ARHGAP24: variants seen among roughly 807,000 people sequenced by gnomAD.
ARHGAP24 encodes rho GTPase-activating protein 24.
A neutral mutation model predicts 76.4 loss-of-function variants in ARHGAP24; 50 were observed. The observed-to-expected ratio is 0.65, with a 90% confidence interval of 0.52 to 0.83. The LOEUF (loss-of-function observed/expected upper bound fraction) is 0.83. Ranked by LOEUF, ARHGAP24 falls within the 40% of genes least tolerant of loss-of-function variation. The pLI is 0.00. For missense variants in ARHGAP24, 930 were observed against 914.2 expected (o/e 1.02, Z -0.22); for synonymous variants, 345 against 323.3 (o/e 1.07, Z -0.72).
At chr4:85,937,743 T>C (rs1736725765) in intron 4 of ARHGAP24, among the ~76,000 whole-genome samples, 1 of 151,576 alleles carries the variant, frequency 6.6e-6, no homozygotes, top group Non-Finnish European at 1.5e-5. Context: ...TGGCTGTCAA[T>C]GATTTACCAA....
intron 3 of ARHGAP24, among the ~76,000 whole-genome samples, chr4:85,744,901 T>C (rs1293039786): frequency 6.6e-6 from 1 of 152,204 alleles, no homozygotes; most frequent in Non-Finnish European, 1.5e-5. Flanking sequence ...TTAGAGGGAA[T>C]TAGCCAGGCG....
At chr4:85,731,070 T>C (rs374470165) in intron 3 of ARHGAP24, among the ~76,000 whole-genome samples, 1 of 151,872 alleles carries the variant, frequency 6.6e-6, no homozygotes, top group East Asian at 1.9e-4. Flanking sequence ...TATATACATA[T>C]ATGTATATGT....
intron 3 of ARHGAP24, among the ~76,000 whole-genome samples, chr4:85,731,254 C>T (rs1725397796): frequency 6.6e-6 from 1 of 152,056 alleles, no homozygotes. Context: ...ACAAGGATGA[C>T]AAGAAGAAAT....
rs199740884 is a variant in ARHGAP24 at position 85,487,152 on chromosome 4, G to GTA, written c.-21+11604_-21+11605dup. ...CCTTGGTTTGCTTGGTTGCTTGTGT[G>GTA]TATATATATATAAATATATATTTAT... On this transcript the variant is annotated intron_variant, in intron 1 of 9. Coordinates refer to ENST00000395184, the MANE Select transcript of ARHGAP24 (RefSeq NM_001025616.3). Among the ~76,000 whole-genome samples, 581 of 135,610 alleles carry GTA rather than the reference G, an allele frequency of 4.3e-3. 4 individuals carry two copies. Among genetic ancestry groups the GTA allele is most frequent in the African/African-American group, 0.015 (550 of 35,662 alleles). The allele number at this position is 135,610 out of a possible 152,430, so 89.0% of individuals were successfully genotyped here.
chr4:85,782,888 T>C (rs1727630792), intron 3 of ARHGAP24, among the ~76,000 whole-genome samples: 1 of 138,512 alleles, frequency 7.2e-6, no homozygotes, highest in Non-Finnish European at 1.6e-5. Flanking sequence ...GTTGAATGAC[T>C]ATTACTTTCA....
At chr4:85,701,241 C>T (rs1256068881) in intron 2 of ARHGAP24, among the ~76,000 whole-genome samples, 1 of 152,076 alleles carries the variant, frequency 6.6e-6, no homozygotes, top group Non-Finnish European at 1.5e-5. Context: ...ATCACATTAT[C>T]GATTTATTAT....
chr4:85,572,964 C>G (rs1727199705), intron 2 of ARHGAP24, among the ~76,000 whole-genome samples: 2 of 148,514 alleles, frequency 1.3e-5, no homozygotes, highest in African/African-American at 5.0e-5. Flanking sequence ...GCAACCTCTG[C>G]CTCCTGGGTT....
At chr4:85,607,679 TTTTC>T (rs925450336) in intron 2 of ARHGAP24, among the ~76,000 whole-genome samples, 2 of 146,268 alleles carry the variant, frequency 1.4e-5, no homozygotes, top group African/African-American at 5.0e-5. Context: ...TTTTCTTTTC[TTTTC>T]TTTTTTTTTT....
intron 1 of ARHGAP24, among the ~76,000 whole-genome samples, chr4:85,485,220 C>T (rs1722981078): frequency 1.3e-5 from 2 of 148,918 alleles, no homozygotes; most frequent in East Asian, 2.0e-4. Flanking sequence ...TGGTGGTGGG[C>T]GCCTGTAGTC....
At chr4:85,954,755 C>T (rs1737812508) in intron 5 of ARHGAP24, among the ~76,000 whole-genome samples, 1 of 152,222 alleles carries the variant, frequency 6.6e-6, no homozygotes, top group Non-Finnish European at 1.5e-5. Flanking sequence ...CGCCTGTAAT[C>T]CCAGCACTTT....
intron 5 of ARHGAP24, among the ~76,000 whole-genome samples, chr4:85,947,564 CCAAGTGTTA>C (rs1737358250): frequency 1.3e-5 from 2 of 152,252 alleles, no homozygotes; most frequent in African/African-American, 4.8e-5. Context: ...ATAGTACATA[CCAAGTGTTA>C]TTTCTCTGTG....
chr4:85,873,143 G>C (rs1732638172), intron 3 of ARHGAP24, among the ~76,000 whole-genome samples: 1 of 152,090 alleles, frequency 6.6e-6, no homozygotes, highest in African/African-American at 2.4e-5. Flanking sequence ...CCAGAATATG[G>C]ACTTGCAAGT....
chr4:85,920,546 A>C (rs1735664166), intron 3 of ARHGAP24, among the ~76,000 whole-genome samples: 1 of 152,218 alleles, frequency 6.6e-6, no homozygotes, highest in Non-Finnish European at 1.5e-5. Context: ...TAATTAAACC[A>C]AAGAACTTCT....
Position 85,825,742 on chromosome 4 carries a change from T to C in ARHGAP24, c.269-97906T>C, listed in dbSNP as rs79780438. ...AAATCAAAACTCATTTTTCTAAAAATCTCTGGACTCTTTGTAAAAGTTAAC... is the reference window on the plus strand; with the variant it reads ...AAATCAAAACTCATTTTTCTAAAAACCTCTGGACTCTTTGTAAAAGTTAAC... On this transcript the variant is annotated intron_variant, in intron 3 of 9. Transcript: ENST00000395184. 9.3e-3 allele frequency among the ~76,000 whole-genome samples: 1,421 copies of C among 152,364 alleles called. 12 individuals carry two copies. The highest frequency in any genetic ancestry group is 0.014 in the African/African-American group (569 of 41,586).
Position 85,995,437 on chromosome 4 carries a change from G to A in ARHGAP24, c.1783G>A (p.Gly595Arg), listed in dbSNP as rs1466631267. 2.5e-6 allele frequency: 4 copies of A among 1,610,152 alleles called. No homozygotes were observed. Among genetic ancestry groups the A allele is most frequent in the Non-Finnish European group, 3.4e-6 (4 of 1,177,082 alleles). The part of the protein sequence containing the change: ...GGNFEDPVLD[G>R]PPQDDLSHPR... ...GAACTTTGAGGACCCTGTTTTGGAT[G>A]GGCCCCCGCAGGACGACCTTTCCCA... Residue 595 changes from glycine (G) to arginine (R), a missense_variant, in exon 9 of 10, where the codon GGG becomes AGG. Coordinates refer to ENST00000395184, the MANE Select transcript of ARHGAP24 (RefSeq NM_001025616.3).
chr4:85,570,842 C>T, intron 2 of ARHGAP24, 121 bp downstream of exon 2: 1 of 1,139,590 alleles, frequency 8.8e-7, no homozygotes, highest in South Asian at 1.4e-5. Flanking sequence ...AGTTCATTGT[C>T]ATCTTTCACC....
chr4:85,848,336 C>G (rs1157026841), intron 3 of ARHGAP24, among the ~76,000 whole-genome samples: 1 of 152,106 alleles, frequency 6.6e-6, no homozygotes, highest in Non-Finnish European at 1.5e-5. Context: ...CTCTCCCATC[C>G]CCCTACCCCA....
chr4:85,945,433 A>G (rs1737195694), intron 5 of ARHGAP24, among the ~76,000 whole-genome samples: 2 of 152,172 alleles, frequency 1.3e-5, no homozygotes. Flanking sequence ...AGTGTAAATA[A>G]CAAACAAATA....
chr4:85,869,027 G>A (rs768039342), intron 3 of ARHGAP24, among the ~76,000 whole-genome samples: 1 of 151,950 alleles, frequency 6.6e-6, no homozygotes, highest in East Asian at 1.9e-4. Flanking sequence ...TATGAGAAAT[G>A]TCCTTGTTTC....
Sources: gnomAD v4.1 joint callset for allele counts (sites outside exome capture counted in the v4.1 genomes callset) on GRCh38, gnomAD v4.1.1 for gene constraint, MANE v1.5 for transcripts, NCBI Gene and HGNC (gene_info 2026-07-23, HGNC 2026-07-21) for gene names.